The following KHDRBS3 variants were observed in gnomAD, a reference collection of about 807,000 sequenced individuals.
KHDRBS3 encodes KH domain-containing, RNA-binding, signal transduction-associated protein 3.
In KHDRBS3, 23 loss-of-function variants were observed where a neutral mutation model predicts 45.6. That is an observed-to-expected ratio of 0.50 (90% CI 0.36 to 0.72). The LOEUF (loss-of-function observed/expected upper bound fraction) is 0.72. Ranked by LOEUF, KHDRBS3 falls within the 30% of genes least tolerant of loss-of-function variation. KHDRBS3 has a pLI of 0.00. For synonymous variants in KHDRBS3, 162 were observed against 156.5 expected (o/e 1.04, Z -0.26); for missense variants, 352 against 424.8 (o/e 0.83, Z 1.51).
At chr8:135,528,259 T>G (rs567469741) in intron 2 of KHDRBS3, among the ~76,000 whole-genome samples, 1 of 152,224 alleles carries the variant, frequency 6.6e-6, no homozygotes, top group Non-Finnish European at 1.5e-5. Flanking sequence ...CTTTGAGAGA[T>G]AAAACATGTC....
intron 7 of KHDRBS3, among the ~76,000 whole-genome samples, chr8:135,631,714 G>C (rs1169749253): frequency 1.3e-5 from 2 of 152,280 alleles, no homozygotes; most frequent in African/African-American, 4.8e-5. Context: ...GGTCCTTTAG[G>C]AGGTAACCAG....
intron 1 of KHDRBS3, among the ~76,000 whole-genome samples, chr8:135,510,343 G>A (rs1003877898): frequency 1.3e-5 from 2 of 152,186 alleles, no homozygotes; most frequent in African/African-American, 2.4e-5. Context: ...CAGCGAAGGA[G>A]AGTGAGGGCA....
chr8:135,656,129 T>A (rs1286777581), intron 4 of KHDRBS3: 1 of 152,250 alleles, frequency 6.6e-6, no homozygotes, highest in Non-Finnish European at 1.5e-5. Context: ...AGTGTCCACT[T>A]GCCTGAATCC....
intron 5 of KHDRBS3, among the ~76,000 whole-genome samples, chr8:135,560,380 C>A (rs947530586): frequency 6.6e-6 from 1 of 151,900 alleles, no homozygotes; most frequent in African/African-American, 2.4e-5. Context: ...ATAAAATTAA[C>A]CCAGTGATAT....
intron 2 of KHDRBS3, among the ~76,000 whole-genome samples, chr8:135,523,322 A>G (rs1825012287): frequency 6.6e-6 from 1 of 152,120 alleles, no homozygotes; most frequent in South Asian, 2.1e-4. Flanking sequence ...ACTTTTTAAG[A>G]TAGGAGTTTT....
intron 1 of KHDRBS3, among the ~76,000 whole-genome samples, chr8:135,460,598 C>G (rs1454667372): frequency 1.3e-5 from 2 of 152,202 alleles, no homozygotes; most frequent in Non-Finnish European, 2.9e-5. Flanking sequence ...CTGCAGAAAT[C>G]AATATAATTA....
At chr8:135,632,510 T>C (rs1449785924) in intron 7 of KHDRBS3, among the ~76,000 whole-genome samples, 1 of 151,976 alleles carries the variant, frequency 6.6e-6, no homozygotes, top group East Asian at 1.9e-4. Context: ...GTCAGACCTG[T>C]CTCCTGACCC....
At chr8:135,603,185 T>C (rs772301255) in intron 6 of KHDRBS3, among the ~76,000 whole-genome samples, 2 of 152,196 alleles carry the variant, frequency 1.3e-5, no homozygotes, top group Non-Finnish European at 2.9e-5. Flanking sequence ...GTTGTCTCTT[T>C]AGTTGTCTGT....
intron 7 of KHDRBS3, among the ~76,000 whole-genome samples, chr8:135,640,319 G>A (rs535208772): frequency 2.6e-5 from 4 of 152,284 alleles, no homozygotes; most frequent in Non-Finnish European, 5.9e-5. Context: ...GGTTGCAGGA[G>A]TAGAGGAAAG....
intron 2 of KHDRBS3, chr8:135,539,666 T>C (rs1430965248): frequency 6.6e-6 from 1 of 152,246 alleles, no homozygotes; most frequent in Non-Finnish European, 1.5e-5. Flanking sequence ...GTAGGTAATA[T>C]GGTCTGTGTT....
intron 1 of KHDRBS3, among the ~76,000 whole-genome samples, chr8:135,478,148 G>A (rs1822387516): frequency 6.6e-6 from 1 of 152,150 alleles, no homozygotes; most frequent in Non-Finnish European, 1.5e-5. Context: ...ACACCAAAAA[G>A]GTCAGGAACT....
intron 2 of KHDRBS3, among the ~76,000 whole-genome samples, chr8:135,536,247 T>TTC: frequency 8.9e-6 from 1 of 112,630 alleles, no homozygotes; most frequent in South Asian, 2.3e-4. Flanking sequence ...TTTTTTTTTT[T>TTC]TTTTTTTTTT....
chr8:135,516,324 C>CA (rs1824599197), intron 1 of KHDRBS3, among the ~76,000 whole-genome samples: 1 of 152,184 alleles, frequency 6.6e-6, no homozygotes, highest in South Asian at 2.1e-4. Context: ...CATTACTGCA[C>CA]ACTTTTATAC....
intron 6 of KHDRBS3, among the ~76,000 whole-genome samples, chr8:135,591,514 C>CA (rs1828742452): frequency 6.6e-6 from 1 of 152,146 alleles, no homozygotes; most frequent in Non-Finnish European, 1.5e-5. Flanking sequence ...CTTCATGACT[C>CA]ACTAAGGCTG....
intron 1 of KHDRBS3, among the ~76,000 whole-genome samples, chr8:135,508,705 A>G (rs912921168): frequency 6.6e-6 from 1 of 152,134 alleles, no homozygotes; most frequent in Non-Finnish European, 1.5e-5. Flanking sequence ...AGTCCGGTGC[A>G]CTGGTTACCT....
chr8:135,642,850 T>C (rs1248619897), intron 7 of KHDRBS3, among the ~76,000 whole-genome samples: 1 of 151,494 alleles, frequency 6.6e-6, no homozygotes, highest in Non-Finnish European at 1.5e-5. Context: ...TGGAGTGCAG[T>C]GGCACAATCT....
chr8:135,536,262 T>TA (rs1825752539), intron 2 of KHDRBS3, among the ~76,000 whole-genome samples: 3 of 98,762 alleles, frequency 3.0e-5, no homozygotes, highest in Non-Finnish European at 4.6e-5. Flanking sequence ...TTTTTTTTTT[T>TA]ATTATTGTTT....
At chr8:135,605,008 ATAT>A (rs1829394028) in intron 6 of KHDRBS3, among the ~76,000 whole-genome samples, 1 of 151,752 alleles carries the variant, frequency 6.6e-6, no homozygotes, top group Admixed American at 6.6e-5. Flanking sequence ...TCAGCTGCTA[ATAT>A]TATAAAAATC....
chr8:135,517,096 ATAT>A (rs1330220657), intron 1 of KHDRBS3, among the ~76,000 whole-genome samples: 1 of 152,206 alleles, frequency 6.6e-6, no homozygotes, highest in Non-Finnish European at 1.5e-5. Context: ...AACAATACAG[ATAT>A]TATTACTGAA....
Sources: allele counts gnomAD v4.1 joint callset (sites outside exome capture counted in the v4.1 genomes callset), GRCh38; gene constraint gnomAD v4.1.1; transcripts MANE v1.5; gene names NCBI Gene and HGNC (gene_info 2026-07-23, HGNC 2026-07-21).